Variants in TADA2A observed in about 807,000 individuals in gnomAD.
TADA2A encodes the protein transcriptional adapter 2-alpha.
In TADA2A, 38 loss-of-function variants were observed where a neutral mutation model predicts 67.4. That is an observed-to-expected ratio of 0.56 (90% CI 0.44 to 0.74). TADA2A has a LOEUF of 0.74. TADA2A is among the 30% of genes least tolerant of loss of function. The probability of loss-of-function intolerance (pLI) is 0.00; values close to 1 mark genes in which losing one functional copy is unlikely to be tolerated. For synonymous variants in TADA2A, 192 were observed against 181.6 expected (o/e 1.06, Z -0.46); for missense variants, 454 against 547.0 (o/e 0.83, Z 1.70).
chr17:37,465,257 G>T (rs891534808), intron 10 of TADA2A, among the ~76,000 whole-genome samples, 174 bp from the exon 11 acceptor site: 14 of 151,980 alleles, frequency 9.2e-5, no homozygotes, highest in African/African-American at 3.4e-4. Flanking sequence ...CTGTCATTAT[G>T]ATTAGTGTTT....
chr17:37,444,670 G>A (rs1441614495), intron 7 of TADA2A, 26 bp from the exon 8 acceptor site: 1 of 1,604,858 alleles, frequency 6.2e-7, no homozygotes, highest in Non-Finnish European at 8.5e-7. Context: ...GGTTTGGGGT[G>A]GGGATTTTTT....
rs1419671531 is a variant in TADA2A at position 37,437,745 on chromosome 17, A to G, written c.200A>G (p.Asp67Gly). 4.3e-6 allele frequency: 7 copies of G among 1,613,936 alleles called. No homozygotes were observed. Among genetic ancestry groups the G allele is most frequent in the South Asian group, 1.1e-5 (1 of 91,076 alleles). Residue 67 changes from aspartate to glycine, a missense_variant, in exon 5 of 16, where the codon GAT becomes GGT. Asp to Gly is a moderately conservative substitution (Grantham distance 94). Transcript: ENST00000615182. ...SDHTYEIMTS[D>G]FPVLDPSWTA... The stretch of plus-strand genomic sequence containing the variant: ...AAACTTTTTTCTCCTTAGACTTCAG[A>G]TTTTCCTGTCCTTGATCCCAGCTGG...
intron 4 of TADA2A, among the ~76,000 whole-genome samples, chr17:37,436,015 C>G (rs1182507015): frequency 6.6e-6 from 1 of 152,178 alleles, no homozygotes; most frequent in East Asian, 1.9e-4. Flanking sequence ...CATGCCTGGC[C>G]AACTACGAGG....
intron 11 of TADA2A, among the ~76,000 whole-genome samples, chr17:37,466,352 C>A (rs853208): frequency 0.73 from 110,276 of 152,092 alleles, 40,623 homozygotes; most frequent in East Asian, 0.97. Flanking sequence ...CCCGGGTAGC[C>A]GAGGTTGCGG....
rs1201303698 is a variant in TADA2A at position 37,479,130 on chromosome 17, G to A, written c.*2148G>A. The A allele has an allele frequency of 6.6e-6, 1 of 152,158 alleles. No individual in the cohort carries two copies. The highest frequency in any genetic ancestry group is 2.4e-5 in the African/African-American group (1 of 41,388). 9.4% of individuals were successfully genotyped at this position (152,158 alleles called of 1,614,324 possible). On this transcript the variant is annotated 3_prime_UTR_variant, in exon 16 of 16. Transcript: ENST00000615182. ...GGCTTCCTGGGAGAGGTGGGCTTTTGGGGCAATTATATGATAGAGAAGAGA... is the reference window on the plus strand; with the variant it reads ...GGCTTCCTGGGAGAGGTGGGCTTTTAGGGCAATTATATGATAGAGAAGAGA...
At chr17:37,442,534 T>G (rs1212079230) in intron 6 of TADA2A, 30 bp from the exon 7 acceptor site, 1 of 1,571,134 alleles carries the variant, frequency 6.4e-7, no homozygotes, top group South Asian at 1.1e-5. Context: ...ATTGTATTAG[T>G]TAACTCAGAA....
intron 12 of TADA2A, 111 bp downstream of exon 12, chr17:37,467,636 C>T: frequency 2.2e-6 from 2 of 904,064 alleles, no homozygotes; most frequent in Non-Finnish European, 1.7e-6. Flanking sequence ...CTTTCCTTTA[C>T]CAGAATGCTT....
At chr17:37,418,135 C>T (rs772020396) in intron 2 of TADA2A, among the ~76,000 whole-genome samples, 4 of 152,150 alleles carry the variant, frequency 2.6e-5, no homozygotes, top group African/African-American at 7.2e-5. Context: ...CTCCTCTAGA[C>T]TTATATACAA....
intron 5 of TADA2A, 108 bp downstream of exon 5, chr17:37,437,937 C>A (rs1384719763): frequency 1.9e-5 from 20 of 1,033,250 alleles, no homozygotes; most frequent in African/African-American, 4.8e-5. Flanking sequence ...GTGTTGCTTT[C>A]CTATCAACCC....
chr17:37,457,176 C>A (rs1006235168), intron 8 of TADA2A, among the ~76,000 whole-genome samples: 1 of 105,968 alleles, frequency 9.4e-6, no homozygotes. Flanking sequence ...AATCATTATT[C>A]TTTTTTTTTT....
intron 10 of TADA2A, among the ~76,000 whole-genome samples, chr17:37,463,376 G>A (rs1248749724): frequency 6.6e-6 from 1 of 152,042 alleles, no homozygotes; most frequent in African/African-American, 2.4e-5. Context: ...ATAGATTCTT[G>A]TAGGGGTATT....
At chr17:37,423,459 G>T in intron 2 of TADA2A, 50 bp from the exon 3 acceptor site, 2 of 1,408,132 alleles carry the variant, frequency 1.4e-6, no homozygotes, top group Non-Finnish European at 2.0e-6. Context: ...TTGCACTTAA[G>T]ATAACCGTAA....
chr17:37,479,141 A>G lies in TADA2A; in HGVS notation c.*2159A>G, dbSNP rs9906065. On this transcript the variant is annotated 3_prime_UTR_variant, in exon 16 of 16. Coordinates refer to ENST00000615182, the MANE Select transcript of TADA2A (RefSeq NM_001166105.3). ...AGAGGTGGGCTTTTGGGGCAATTAT[A>G]TGATAGAGAAGAGAGAGAAAAATGG... is the stretch of plus-strand genomic sequence containing the variant. The G allele has an allele frequency of 0.058, 8,887 of 152,338 alleles. 313 individuals carry two copies. Among genetic ancestry groups the G allele is most frequent in the Middle Eastern group, 0.1 (30 of 296 alleles). The allele number at this position is 152,338 out of a possible 1,614,324, so 9.4% of individuals were successfully genotyped here.
At chr17:37,451,731 C>G (rs1240860885) in intron 8 of TADA2A, among the ~76,000 whole-genome samples, 1 of 152,136 alleles carries the variant, frequency 6.6e-6, no homozygotes, top group Non-Finnish European at 1.5e-5. Flanking sequence ...TGCCTGTAAT[C>G]CCAGCACTTT....
chr17:37,474,445 T>A (rs1484743333), intron 14 of TADA2A, 111 bp from the exon 15 acceptor site: 6 of 951,538 alleles, frequency 6.3e-6, no homozygotes. Context: ...CTAAGCTGGA[T>A]ATAGTGATCC....
At chr17:37,412,218 GA>G (rs58185039) in intron 2 of TADA2A, among the ~76,000 whole-genome samples, 47,158 of 106,926 alleles carry the variant, frequency 0.44, 7,489 homozygotes, top group East Asian at 0.75. Flanking sequence ...CTCAAAAAAA[GA>G]AAAAAAAAAA....
chr17:37,466,914 T>G (rs1317609143), intron 11 of TADA2A, among the ~76,000 whole-genome samples: 1 of 152,210 alleles, frequency 6.6e-6, no homozygotes, highest in Admixed American at 6.5e-5. Flanking sequence ...CCAGCTACTT[T>G]GGAAGGCCGA....
chr17:37,429,551 G>T (rs1230513936), intron 4 of TADA2A, among the ~76,000 whole-genome samples: 1 of 152,080 alleles, frequency 6.6e-6, no homozygotes, highest in African/African-American at 2.4e-5. Context: ...CAAAGTGCTG[G>T]AATTATAGAC....
chr17:37,422,583 G>A (rs550543117), intron 2 of TADA2A, among the ~76,000 whole-genome samples: 93 of 151,344 alleles, frequency 6.1e-4, no homozygotes, highest in African/African-American at 2.2e-3. Context: ...CTTGGCTCAC[G>A]GCAACCTTTG....
Sources: allele counts gnomAD v4.1 joint callset (sites outside exome capture counted in the v4.1 genomes callset), GRCh38; gene constraint gnomAD v4.1.1; transcripts MANE v1.5; gene names NCBI Gene and HGNC (gene_info 2026-07-23, HGNC 2026-07-21).